The following TGFB1I1 variants were observed in gnomAD, a reference collection of about 807,000 sequenced individuals.
TGFB1I1 encodes the protein transforming growth factor beta-1-induced transcript 1 protein.
A neutral mutation model predicts 52.0 loss-of-function variants in TGFB1I1; 33 were observed. That is an observed-to-expected ratio of 0.63 (90% CI 0.48 to 0.85). TGFB1I1 has a LOEUF of 0.85. TGFB1I1 is among the 40% of genes least tolerant of loss of function. The pLI, the probability that TGFB1I1 is intolerant of heterozygous loss-of-function variation, is 0.00. For missense variants in TGFB1I1, 577 were observed against 614.9 expected, an observed-to-expected ratio of 0.94 and a Z score of 0.65; for synonymous variants, 236 against 253.3, an observed-to-expected ratio of 0.93 and a Z score of 0.65.
chr16:31,474,212 A>T lies in TGFB1I1; in HGVS notation c.386A>T (p.Gln129Leu). The T allele has an allele frequency of 6.2e-7, 1 of 1,614,214 alleles. No individual in the cohort carries two copies. Among genetic ancestry groups the T allele is most frequent in the African/African-American group, 1.3e-5 (1 of 75,048 alleles). Residue 129 changes from glutamine (Q) to leucine (L), a missense_variant, in exon 5 of 11, where the codon CAG becomes CTG. Coordinates refer to ENST00000394863, the MANE Select transcript of TGFB1I1 (RefSeq NM_001042454.3). This position sits in a 1 kb window ranked among gnomAD's most constrained non-coding sequence, Gnocchi z 4.2. ...KVASGEQKED[Q>L]SEDKKRPSLP... The stretch of plus-strand genomic sequence containing the variant: ...GCTTCAGGAGAGCAGAAGGAGGACC[A>T]GTCTGAAGATAAGAAAAGACCCAGC...
Position 31,473,992 on chromosome 16 carries a change from G to T in TGFB1I1, c.325+15G>T. ...CAACATCACAGGTACCAGGGTGACT[G>T]AGAGAGGCCTTGATGCGATAGGGGC... On this transcript the variant is annotated intron_variant, in intron 4 of 10. Transcript: ENST00000394863. 1 of 1,611,738 alleles carries T rather than the reference G, an allele frequency of 6.2e-7. No homozygotes were observed. The highest frequency in any genetic ancestry group is 1.1e-5 in the South Asian group (1 of 91,014).
Position 31,474,848 on chromosome 16 carries a change from G to A in TGFB1I1, c.714+91G>A. 8.1e-7 allele frequency: 1 copy of A among 1,231,014 alleles called. No individual in the cohort carries two copies. Among genetic ancestry groups the A allele is most frequent in the African/African-American group, 1.5e-5 (1 of 66,238 alleles). 76.3% of individuals were successfully genotyped at this position (1,231,014 alleles called of 1,614,324 possible). A position where few individuals can be genotyped will look rare whatever the true frequency, so the allele number is the denominator to read the frequency against. ...GCTTTATGCTGTTCCCTTTTAGTAA[G>A]TTAATCTGGGAAGTGGGTATCATTA... On this transcript the variant is annotated intron_variant, in intron 7 of 10. Coordinates refer to ENST00000394863, the MANE Select transcript of TGFB1I1 (RefSeq NM_001042454.3). The surrounding 1 kb of genome is among the most constrained non-coding windows in gnomAD (Gnocchi z 4.2).
chr16:31,477,795 C>A lies in TGFB1I1; in HGVS notation c.*219C>A, dbSNP rs1367997463. ...TGGATTGCACACAGACAAGAACTCC[C>A]GTGCGGGCCTCCACTCTATTCCCAC... On this transcript the variant is annotated 3_prime_UTR_variant, in exon 11 of 11. Coordinates refer to ENST00000394863, the MANE Select transcript of TGFB1I1 (RefSeq NM_001042454.3). The surrounding 1 kb of genome is among the most constrained non-coding windows in gnomAD (Gnocchi z 4.7). 1.6e-6 allele frequency: 1 copy of A among 618,002 alleles called. No homozygotes were observed. The highest frequency in any genetic ancestry group is 2.9e-5 in the East Asian group (1 of 34,086). 38.3% of individuals were successfully genotyped at this position (618,002 alleles called of 1,614,324 possible).
intron 1 of TGFB1I1, 111 bp downstream of exon 1, chr16:31,472,312 C>G (rs2082395984): frequency 1.5e-6 from 2 of 1,354,886 alleles, no homozygotes; most frequent in Middle Eastern, 2.0e-4. Flanking sequence ...TTCTGCTTTT[C>G]GCCTCTGCCC....
rs566571521 is a variant in TGFB1I1 at position 31,474,413 on chromosome 16, T to C, written c.477T>C (p.Asp159=). Residue 159 remains aspartate (D), a synonymous_variant, in exon 6 of 11, where the codon GAT becomes GAC. Transcript: ENST00000394863. This position sits in a 1 kb window ranked among gnomAD's most constrained non-coding sequence, Gnocchi z 4.2. ...CCACCTCAGCCACTCTGGAGCTGGATAGACTGATGGCCTCACTCTCTGACT... is the reference window on the plus strand; with the variant it reads ...CCACCTCAGCCACTCTGGAGCTGGACAGACTGATGGCCTCACTCTCTGACT... ...ASATSATLEL[D]RLMASLSDFR... The C allele has an allele frequency of 1.5e-5, 25 of 1,614,084 alleles. 1 individual carries two copies. The Admixed American group carries it at 3.3e-4, about 22-fold the overall frequency.
At position 31,474,373 on chromosome 16, in the gene TGFB1I1, T is replaced by C. The variant is rs868467060; in HGVS notation, c.437T>C (p.Leu146Pro). The C allele has an allele frequency of 6.2e-7, 1 of 1,614,156 alleles. No homozygotes were observed. The highest frequency in any genetic ancestry group is 1.3e-5 in the African/African-American group (1 of 75,024). The part of the protein sequence containing the change: ...PSLPSSPSPG[L>P]PKASATSATL... ...AGCCCTTCCAGCCCGTCTCCTGGCC[T>C]CCCAAAGGCTTCTGCCACCTCAGCC... is the stretch of plus-strand genomic sequence containing the variant. Residue 146 changes from leucine to proline, a missense_variant, in exon 6 of 11, where the codon CTC (leucine) becomes CCC (proline). Around this residue, in one of 3 missense-constraint regions of TGFB1I1, gnomAD observed 456 missense variants for 461.6 expected, o/e 0.99. Transcript: ENST00000394863. This position sits in a 1 kb window ranked among gnomAD's most constrained non-coding sequence, Gnocchi z 4.2.
chr16:31,472,410 T>C, intron 1 of TGFB1I1: 1 of 811,338 alleles, frequency 1.2e-6, no homozygotes, highest in Non-Finnish European at 1.6e-6. Context: ...CTTCCCTCGC[T>C]GTGCTCCTCC....
At chr16:31,472,549 T>G in intron 1 of TGFB1I1, 2 of 248,568 alleles carry the variant, frequency 8.0e-6, no homozygotes, top group East Asian at 6.8e-5. Flanking sequence ...CGGGAAAGTC[T>G]GGCATCAAGT....
chr16:31,475,358 G>C (rs2082417038), intron 7 of TGFB1I1: 3 of 153,232 alleles, frequency 2.0e-5, no homozygotes, highest in Admixed American at 6.5e-5. Context: ...TGTTATTATT[G>C]TGTATTACAG....
chr16:31,473,104 C>T, intron 1 of TGFB1I1: 1 of 748,440 alleles, frequency 1.3e-6, no homozygotes, highest in Non-Finnish European at 1.7e-6. Flanking sequence ...AGCGTCCAAT[C>T]AGAAAGCTGA....
chr16:31,476,106 A>T lies in TGFB1I1; in HGVS notation c.809A>T (p.Asp270Val). Residue 270 changes from aspartate to valine, a missense_variant, in exon 8 of 11, where the codon GAT becomes GTT. Asp to Val is a radical substitution (Grantham distance 152). This residue lies in a region of TGFB1I1 where 456 missense variants were observed against 461.6 expected (regional missense o/e 0.99). Transcript: ENST00000394863. The surrounding 1 kb of genome is among the most constrained non-coding windows in gnomAD (Gnocchi z 7.6). ...GGAGGCAGCAGCTTCTTCGAGAAGG[A>T]TGGAGCCCCCTTCTGCCCCGAGTGC... ...ALGGSSFFEK[D>V]GAPFCPECYF... 1.9e-6 allele frequency: 3 copies of T among 1,613,866 alleles called. No homozygotes were observed. The highest frequency in any genetic ancestry group is 2.5e-6 in the Non-Finnish European group (3 of 1,179,974).
chr16:31,475,983 C>T, intron 7 of TGFB1I1, 29 bp from the exon 8 acceptor site: 1 of 1,602,090 alleles, frequency 6.2e-7, no homozygotes. Context: ...GTCAGAGCCG[C>T]TCTGACCCGC....
At chr16:31,473,609 G>T in intron 2 of TGFB1I1, 53 bp downstream of exon 2, 1 of 1,609,018 alleles carries the variant, frequency 6.2e-7, no homozygotes, top group South Asian at 1.1e-5. Flanking sequence ...GCTCGGCCTG[G>T]TCTATGGGGA....
chr16:31,476,324 C>T lies in TGFB1I1; in HGVS notation c.888+139C>T. ...CTTCCCCTTGGCAATGTCCACGGCC[C>T]CTTGGACTCCACTCTTCCTTTCTGA... On this transcript the variant is annotated intron_variant, in intron 8 of 10. Coordinates refer to ENST00000394863, the MANE Select transcript of TGFB1I1 (RefSeq NM_001042454.3). This position sits in a 1 kb window ranked among gnomAD's most constrained non-coding sequence, Gnocchi z 7.6. 1 of 1,293,976 alleles carries T rather than the reference C, an allele frequency of 7.7e-7. No homozygotes were observed. The highest frequency in any genetic ancestry group is 1.1e-6 in the Non-Finnish European group (1 of 942,132). 80.2% of individuals were successfully genotyped at this position (1,293,976 alleles called of 1,614,324 possible).
intron 1 of TGFB1I1, chr16:31,472,483 C>T (rs2142589464): frequency 4.9e-6 from 2 of 410,018 alleles, no homozygotes; most frequent in East Asian, 8.2e-5. Context: ...GCGCGGGGCT[C>T]TGGGGAGGGA....
Position 31,473,745 on chromosome 16 carries a change from T to G in TGFB1I1, c.182+11T>G. On this transcript the variant is annotated intron_variant, in intron 3 of 10. Coordinates refer to ENST00000394863, the MANE Select transcript of TGFB1I1 (RefSeq NM_001042454.3). ...GGACCACCTGTACAGGTGAGGGGCC[T>G]GGAAACCAGGGCATGGGGGCCAACT... 1.3e-6 allele frequency: 2 copies of G among 1,572,630 alleles called. No individual in the cohort carries two copies. The highest frequency in any genetic ancestry group is 2.7e-5 in the African/African-American group (2 of 73,846).
Position 31,477,950 on chromosome 16 carries a change from T to G in TGFB1I1, c.*374T>G. 4.4e-6 allele frequency: 1 copy of G among 227,076 alleles called. No homozygotes were observed. Among genetic ancestry groups the G allele is most frequent in the East Asian group, 9.9e-5 (1 of 10,118 alleles). The allele number at this position is 227,076 out of a possible 1,614,324, so 14.1% of individuals were successfully genotyped here. A position where few individuals can be genotyped will look rare whatever the true frequency, so the allele number is the denominator to read the frequency against. On this transcript the variant is annotated 3_prime_UTR_variant, in exon 11 of 11. Transcript: ENST00000394863. The surrounding 1 kb of genome is among the most constrained non-coding windows in gnomAD (Gnocchi z 4.7). ...TTTTCTACCTACATAAACACACGCA[T>G]TCCACCTCTCCCTGGTGCTGTCTCT... is the stretch of plus-strand genomic sequence containing the variant.
intron 3 of TGFB1I1, 28 bp from the exon 4 acceptor site, chr16:31,473,807 G>A (rs1426959734): frequency 3.1e-6 from 5 of 1,611,910 alleles, no homozygotes; most frequent in Admixed American, 3.3e-5. Flanking sequence ...CCCCACCCCT[G>A]AACCCAGGCT....
chr16:31,477,051 G>T lies in TGFB1I1; in HGVS notation c.1119+41G>T, dbSNP rs751674682. Reference sequence around the variant, plus strand: ...CGGGGCGTTGGAGGGGCGGGTCAAGGGTACAGGGCTGTGGGGCGGGGCCTT... The same window carrying T: ...CGGGGCGTTGGAGGGGCGGGTCAAGTGTACAGGGCTGTGGGGCGGGGCCTT... On this transcript the variant is annotated intron_variant, in intron 10 of 10. Transcript: ENST00000394863. This position sits in a 1 kb window ranked among gnomAD's most constrained non-coding sequence, Gnocchi z 4.7. 317 of 1,528,696 alleles carry T rather than the reference G, an allele frequency of 2.1e-4. 2 individuals carry two copies. The highest frequency in any genetic ancestry group is 8.9e-4 in the Admixed American group (46 of 51,870). 94.7% of individuals were successfully genotyped at this position (1,528,696 alleles called of 1,614,324 possible). A position where few individuals can be genotyped will look rare whatever the true frequency, so the allele number is the denominator to read the frequency against.
Sources: gnomAD v4.1 joint callset for allele counts on GRCh38, gnomAD v4.1.1 for gene constraint, gnomAD v4.1.1 regional missense constraint, Gnocchi (gnomAD v3.1) non-coding constraint, MANE v1.5 for transcripts, NCBI Gene and HGNC (gene_info 2026-07-23, HGNC 2026-07-21) for gene names.